Variants in ANKRD18B observed in about 807,000 individuals in gnomAD.
The protein encoded by ANKRD18B is ankyrin repeat domain-containing protein 18B.
ANKRD18B carries 75 observed loss-of-function variants against 111.8 expected under a neutral mutation model. The observed-to-expected ratio is 0.67, with a 90% CI of 0.56 to 0.81. The LOEUF (loss-of-function observed/expected upper bound fraction) is 0.81, where lower values mean the gene tolerates loss of function less well. Among genes scored for constraint, ANKRD18B ranks in the 40% least tolerant of loss-of-function variants. The probability of loss-of-function intolerance (pLI) is 0.00; values close to 1 mark genes in which losing one functional copy is unlikely to be tolerated. For synonymous variants in ANKRD18B, 356 were observed against 417.3 expected, an observed-to-expected ratio of 0.85 and a Z score of 1.79; for missense variants, 1,038 against 1,225.5, an observed-to-expected ratio of 0.85 and a Z score of 2.28.
intron 10 of ANKRD18B, among the ~76,000 whole-genome samples, chr9:33,544,143 T>TATCTTCTG (rs1472441872): frequency 6.6e-6 from 1 of 152,222 alleles, no homozygotes; most frequent in Non-Finnish European, 1.5e-5. Context: ...AGATACTACA[T>TATCTTCTG]ATCTTCTGTG....
intron 3 of ANKRD18B, among the ~76,000 whole-genome samples, chr9:33,531,360 T>A (rs1276880335): frequency 6.6e-6 from 1 of 152,180 alleles, no homozygotes; most frequent in East Asian, 1.9e-4. Context: ...ACACAATCAT[T>A]TAGCAACACA....
At chr9:33,534,548 G>T (rs1345073078) in intron 5 of ANKRD18B, 41 bp downstream of exon 5, 1 of 1,469,812 alleles carries the variant, frequency 6.8e-7, no homozygotes, top group Non-Finnish European at 9.0e-7. Flanking sequence ...ACTAAATTAA[G>T]GTTTTAAATA....
At chr9:33,556,729 A>G (rs1217094662) in intron 13 of ANKRD18B, among the ~76,000 whole-genome samples, 1 of 152,102 alleles carries the variant, frequency 6.6e-6, no homozygotes, top group African/African-American at 2.4e-5. Context: ...TTAAAGACCT[A>G]TTTGTGTCCT....
At chr9:33,535,786 A>G (rs944091161) in intron 5 of ANKRD18B, among the ~76,000 whole-genome samples, 2 of 143,002 alleles carry the variant, frequency 1.4e-5, no homozygotes, top group African/African-American at 5.1e-5. Context: ...TATAAATATT[A>G]TATATAATTA....
chr9:33,527,099 C>G (rs1381082436), intron 1 of ANKRD18B, among the ~76,000 whole-genome samples: 2 of 152,126 alleles, frequency 1.3e-5, no homozygotes, highest in Non-Finnish European at 2.9e-5. Context: ...GAAGCTTTTT[C>G]TCCCACCTTT....
At position 33,524,478 on chromosome 9, in the gene ANKRD18B, G is replaced by T. The variant is rs999226560; in HGVS notation, c.-12G>T. 1 of 1,541,410 alleles carries T rather than the reference G, an allele frequency of 6.5e-7. No homozygotes were observed. The highest frequency in any genetic ancestry group is 8.8e-7 in the Non-Finnish European group (1 of 1,142,630). ...TCAGGAGCGGGTGGTGGGCATCTGA[G>T]AAGTCGCCACCATGAGGAAGCTCCT... On this transcript the variant is annotated 5_prime_UTR_variant, in exon 1 of 19. Coordinates refer to ENST00000684830, the MANE Select transcript of ANKRD18B (RefSeq NM_001393611.1).
Position 33,528,994 on chromosome 9 carries a change from T to C in ANKRD18B, c.322-6T>C, listed in dbSNP as rs1291075892. The C allele has an allele frequency of 1.1e-5, 17 of 1,612,480 alleles. No homozygotes were observed. In the South Asian group the frequency reaches 1.4e-4, roughly 14 times the overall value. On this transcript the variant is annotated splice_region_variant and splice_polypyrimidine_tract_variant and intron_variant, in intron 2 of 18. Coordinates refer to ENST00000684830, the MANE Select transcript of ANKRD18B (RefSeq NM_001393611.1). ...TATAGTCTAGTTTTTTATCTAACAC[T>C]AATAGGCTGTACACTGCCAGGAAGA... is the stretch of plus-strand genomic sequence containing the variant.
intron 14 of ANKRD18B, among the ~76,000 whole-genome samples, chr9:33,563,066 A>C (rs943569893): frequency 6.6e-6 from 1 of 152,148 alleles, no homozygotes; most frequent in African/African-American, 2.4e-5. Context: ...GGTTTTAGGA[A>C]AAGTTCCTCC....
chr9:33,568,817 A>G lies in ANKRD18B; in HGVS notation c.3101A>G (p.Tyr1034Cys). The G allele has an allele frequency of 6.4e-7, 1 of 1,551,396 alleles. No homozygotes were observed. ...AATAGTATAGAACTCAACAGAAAAT[A>G]TATTCCCAAAATGGCCATAAGAATT... is the stretch of plus-strand genomic sequence containing the variant. ...NLNSIELNRK[Y>C]IPKMAIRIPT... is the part of the protein sequence containing the mutation. Residue 1034 changes from tyrosine (Y) to cysteine (C), a missense_variant, in exon 17 of 19, where the codon TAT (tyrosine) becomes TGT (cysteine). Physicochemically the swap from Tyr to Cys is radical, Grantham distance 194. This residue lies in a region of ANKRD18B where 524 missense variants were observed against 677.9 expected (regional missense o/e 0.77). Transcript: ENST00000684830.
chr9:33,528,689 T>C (rs1396578445), intron 1 of ANKRD18B, 38 bp from the exon 2 acceptor site: 7 of 1,495,800 alleles, frequency 4.7e-6, no homozygotes, highest in Non-Finnish European at 6.4e-6. Flanking sequence ...TTTGAGATAT[T>C]GCACTACATT....
At position 33,524,702 on chromosome 9, in the gene ANKRD18B, G is replaced by A; in HGVS notation, c.206+7G>A. 2 of 1,548,662 alleles carry A rather than the reference G, an allele frequency of 1.3e-6. No homozygotes were observed. The highest frequency in any genetic ancestry group is 8.7e-7 in the Non-Finnish European group (1 of 1,146,032). On this transcript the variant is annotated splice_region_variant and intron_variant, in intron 1 of 18. Coordinates refer to ENST00000684830, the MANE Select transcript of ANKRD18B (RefSeq NM_001393611.1). The stretch of plus-strand genomic sequence containing the variant: ...TCCGCGACAGAAAAGACAGGTAGCG[G>A]GGGCTCAGCCCTCGGTGGGAGGGGG...
At chr9:33,531,194 T>C (rs967862836) in intron 3 of ANKRD18B, among the ~76,000 whole-genome samples, 1 of 152,168 alleles carries the variant, frequency 6.6e-6, no homozygotes, top group Non-Finnish European at 1.5e-5. Context: ...TATATACACA[T>C]AGATTGCAAA....
In ANKRD18B at chr9:33,572,726, C is replaced by T. The variant is rs1186811806; in HGVS notation, c.*292C>T. On this transcript the variant is annotated 3_prime_UTR_variant, in exon 19 of 19. Coordinates refer to ENST00000684830, the MANE Select transcript of ANKRD18B (RefSeq NM_001393611.1). The stretch of plus-strand genomic sequence containing the variant: ...TAGTAAAGGTCATCTTTGCATTTTA[C>T]ACTTTTTATTACCATATATAGTAGG... The T allele has an allele frequency of 1.0e-6, 1 of 974,710 alleles. No homozygotes were observed. The highest frequency in any genetic ancestry group is 5.6e-5 in the Admixed American group (1 of 17,970). 60.4% of individuals were successfully genotyped at this position (974,710 alleles called of 1,614,324 possible).
In ANKRD18B at chr9:33,531,593, A is replaced by G. The variant is rs557765968; in HGVS notation, c.496-1846A>G. Among the ~76,000 whole-genome samples the G allele has an allele frequency of 6.8e-4, 103 of 150,792 alleles. 1 individual carries two copies. The highest frequency in any genetic ancestry group is 4.7e-4 in the Non-Finnish European group (32 of 67,896). ...GGAGGCACATATTCTCCAGTTTGCT[A>G]CTGTGCCCACCTGAGTACTTCACTT... is the stretch of plus-strand genomic sequence containing the variant. On this transcript the variant is annotated intron_variant, in intron 3 of 18. Transcript: ENST00000684830.
chr9:33,524,653 C>G lies in ANKRD18B; in HGVS notation c.164C>G (p.Thr55Arg). Residue 55 changes from threonine (T) to arginine (R), a missense_variant, in exon 1 of 19, where the codon ACG becomes AGG. Physicochemically the swap from Thr to Arg is moderately conservative, Grantham distance 71 (BLOSUM62 -1). Around this residue, in one of 4 missense-constraint regions of ANKRD18B, gnomAD observed 216 missense variants for 205.1 expected, o/e 1.05. Coordinates refer to ENST00000684830, the MANE Select transcript of ANKRD18B (RefSeq NM_001393611.1). ...GDAAEVEHCL[T>R]RRFRDLDVRD... ...GCCGCAGAGGTGGAGCACTGCCTGA[C>G]GCGCAGGTTCCGGGACTTGGACGTC... 1 of 1,551,198 alleles carries G rather than the reference C, an allele frequency of 6.4e-7. No homozygotes were observed. Among genetic ancestry groups the G allele is most frequent in the Non-Finnish European group, 8.7e-7 (1 of 1,146,796 alleles).
intron 10 of ANKRD18B, among the ~76,000 whole-genome samples, chr9:33,545,770 GA>G (rs1331520729): frequency 6.6e-6 from 1 of 152,078 alleles, no homozygotes; most frequent in African/African-American, 2.4e-5. Context: ...TGACTTTGAA[GA>G]AAAAAAGTTC....
chr9:33,541,766 G>C (rs996361492), intron 9 of ANKRD18B, among the ~76,000 whole-genome samples: 3 of 152,158 alleles, frequency 2.0e-5, no homozygotes, highest in African/African-American at 7.2e-5. Context: ...TCGGAATTAT[G>C]CTTTTCTAAT....
intron 4 of ANKRD18B, 56 bp downstream of exon 4, chr9:33,533,601 A>T: frequency 6.7e-7 from 1 of 1,489,786 alleles, no homozygotes; most frequent in Middle Eastern, 1.8e-4. Flanking sequence ...AGTGTTCTAG[A>T]GTGGTAACAG....
chr9:33,541,494 G>A (rs1428864694), intron 9 of ANKRD18B, among the ~76,000 whole-genome samples: 2 of 152,170 alleles, frequency 1.3e-5, no homozygotes, highest in African/African-American at 2.4e-5. Flanking sequence ...TTGAGGCTTG[G>A]AGGTCCAGCA....
Sources: allele counts gnomAD v4.1 joint callset (sites outside exome capture counted in the v4.1 genomes callset), GRCh38; gene constraint gnomAD v4.1.1; regional missense constraint gnomAD v4.1.1; transcripts MANE v1.5; gene names NCBI Gene and HGNC (gene_info 2026-07-23, HGNC 2026-07-21).